The following CWF19L2 variants were observed in gnomAD, a reference collection of about 807,000 sequenced individuals.
CWF19L2 encodes the protein CWF19 like cell cycle control factor 2, also known as CWF19-like protein 2.
CWF19L2 carries 98 observed loss-of-function variants against 111.7 expected under a neutral mutation model. The ratio of observed to expected loss-of-function variants is 0.88; its 90% confidence interval spans 0.75 to 1.04. The LOEUF is 1.04. Ranked by LOEUF, CWF19L2 falls within the 50% of genes least tolerant of loss-of-function variation. The probability of loss-of-function intolerance (pLI) is 0.00; values close to 1 mark genes in which losing one functional copy is unlikely to be tolerated. For missense variants in CWF19L2, 1,101 were observed against 1,051.4 expected (o/e 1.05, Z -0.65); for synonymous variants, 351 against 342.9 (o/e 1.02, Z -0.26).
intron 4 of CWF19L2, 122 bp downstream of exon 4, chr11:107,442,817 A>T: frequency 2.6e-6 from 1 of 384,790 alleles, no homozygotes; most frequent in Non-Finnish European, 4.5e-6. Flanking sequence ...GGAGGGAGGG[A>T]GGGGGAGGGA....
chr11:107,339,791 C>A lies in CWF19L2; in HGVS notation c.2203-3078G>T, dbSNP rs996109705. On this transcript the variant is annotated intron_variant, in intron 14 of 17. Transcript: ENST00000282251. ...GGTGATTCTCCCGCCTTGGCCCCCC[C>A]ACAACAGCTGGGATTACAGGTGTGC... is the stretch of plus-strand genomic sequence containing the variant. Among the ~76,000 whole-genome samples, 8 of 151,664 alleles carry A rather than the reference C, an allele frequency of 5.3e-5. No individual in the cohort carries two copies. The East Asian group carries it at 5.8e-4, about 11-fold the overall frequency.
chr11:107,337,832 T>C (rs142976040), intron 14 of CWF19L2, among the ~76,000 whole-genome samples: 8 of 152,214 alleles, frequency 5.3e-5, no homozygotes, highest in Non-Finnish European at 1.0e-4. Flanking sequence ...TTTATAACTT[T>C]TTAATATTTT....
chr11:107,359,817 C>A (rs61190499), intron 12 of CWF19L2, among the ~76,000 whole-genome samples: 2 of 152,034 alleles, frequency 1.3e-5, no homozygotes, highest in East Asian at 3.9e-4. Flanking sequence ...AACGACTCAC[C>A]GAACTTGAAG....
intron 12 of CWF19L2, among the ~76,000 whole-genome samples, chr11:107,383,861 T>A (rs1022172256): frequency 6.6e-6 from 1 of 152,182 alleles, no homozygotes; most frequent in Non-Finnish European, 1.5e-5. Context: ...CAACATGAAA[T>A]CTTTCCTGTG....
chr11:107,341,945 C>T (rs535464558), intron 14 of CWF19L2, among the ~76,000 whole-genome samples: 1 of 151,914 alleles, frequency 6.6e-6, no homozygotes, highest in South Asian at 2.1e-4. Context: ...CTTGTTTTTT[C>T]TCATTTTTTT....
At chr11:107,338,201 G>A (rs1324451147) in intron 14 of CWF19L2, among the ~76,000 whole-genome samples, 7 of 152,086 alleles carry the variant, frequency 4.6e-5, no homozygotes, top group Admixed American at 4.6e-4. Flanking sequence ...CACCTGAGTA[G>A]CTACTCAGGG....
At position 107,380,046 on chromosome 11, in the gene CWF19L2, C is replaced by CAAAAAAAAAAA. The variant is rs66699460; in HGVS notation, c.1872+10017_1872+10027dup. Among the ~76,000 whole-genome samples the CAAAAAAAAAAA allele has an allele frequency of 1.8e-3, 62 of 34,486 alleles. 10 individuals are homozygous for CAAAAAAAAAAA. Among genetic ancestry groups the CAAAAAAAAAAA allele is most frequent in the South Asian group, 5.4e-3 (3 of 556 alleles). 22.6% of individuals were successfully genotyped at this position (34,486 alleles called of 152,430 possible). ...TGGGCGACAGAGCGAGACACCGTCTCAAAAAAAAAAAAAAAAAAAAAAAAA... is the reference window on the plus strand; with the variant it reads ...TGGGCGACAGAGCGAGACACCGTCTCAAAAAAAAAAAAAAAAAAAAAAAAAAAAAAAAAAAA... On this transcript the variant is annotated intron_variant, in intron 12 of 17. Coordinates refer to ENST00000282251, the MANE Select transcript of CWF19L2 (RefSeq NM_152434.3).
intron 17 of CWF19L2, among the ~76,000 whole-genome samples, chr11:107,327,753 G>C (rs1183897077): frequency 1.3e-5 from 2 of 152,090 alleles, no homozygotes; most frequent in Non-Finnish European, 2.9e-5. Context: ...AGAAAGACAT[G>C]GGGGAGCCTC....
intron 15 of CWF19L2, 138 bp from the exon 16 acceptor site, chr11:107,335,099 TTTAG>T (rs1457342836): frequency 1.2e-5 from 6 of 513,632 alleles, no homozygotes; most frequent in Non-Finnish European, 2.0e-5. Flanking sequence ...GATTAAGGCT[TTTAG>T]TTATTTAAAA....
chr11:107,443,160 T>A (rs1464528121), intron 3 of CWF19L2, 111 bp from the exon 4 acceptor site: 1 of 734,398 alleles, frequency 1.4e-6, no homozygotes, highest in African/African-American at 1.8e-5. Context: ...ATTCTTACAC[T>A]GTATTTCCCC....
chr11:107,386,969 G>A (rs772413946), intron 12 of CWF19L2, among the ~76,000 whole-genome samples: 1 of 151,690 alleles, frequency 6.6e-6, no homozygotes, highest in Non-Finnish European at 1.5e-5. Context: ...CAGGAGAATC[G>A]CTTGAACCCA....
chr11:107,383,296 C>T (rs1295551413), intron 12 of CWF19L2, among the ~76,000 whole-genome samples: 2 of 152,090 alleles, frequency 1.3e-5, no homozygotes, highest in African/African-American at 4.8e-5. Flanking sequence ...CCTGTGGAAT[C>T]AGACACTATC....
intron 12 of CWF19L2, among the ~76,000 whole-genome samples, chr11:107,384,030 G>T (rs1468517388): frequency 6.6e-6 from 1 of 152,140 alleles, no homozygotes; most frequent in Non-Finnish European, 1.5e-5. Context: ...ATAAAGTCAA[G>T]GATCATTTCT....
intron 3 of CWF19L2, among the ~76,000 whole-genome samples, chr11:107,443,853 T>C (rs891515113): frequency 3.3e-5 from 5 of 152,232 alleles, no homozygotes; most frequent in Non-Finnish European, 5.9e-5. Context: ...GCAAATGATG[T>C]CTTCTTTTAC....
At chr11:107,360,852 T>C (rs1455759539) in intron 12 of CWF19L2, among the ~76,000 whole-genome samples, 1 of 152,244 alleles carries the variant, frequency 6.6e-6, no homozygotes, top group African/African-American at 2.4e-5. Flanking sequence ...TGTTGCTGAA[T>C]TGAGTTCCTT....
intron 3 of CWF19L2, among the ~76,000 whole-genome samples, chr11:107,450,234 T>C (rs1861759358): frequency 1.3e-5 from 2 of 151,960 alleles, no homozygotes; most frequent in Non-Finnish European, 2.9e-5. Flanking sequence ...CAAAACCACA[T>C]CTCTACAAAA....
At chr11:107,373,274 T>A (rs1440400969) in intron 12 of CWF19L2, among the ~76,000 whole-genome samples, 3 of 125,402 alleles carry the variant, frequency 2.4e-5, no homozygotes, top group Admixed American at 2.3e-4. Context: ...CCACCACAGC[T>A]CAAGGAGGAC....
At chr11:107,391,709 G>C (rs907883968) in intron 11 of CWF19L2, among the ~76,000 whole-genome samples, 2 of 151,998 alleles carry the variant, frequency 1.3e-5, no homozygotes, top group African/African-American at 4.8e-5. Context: ...ATAAAACCTT[G>C]TCTTTAACTT....
intron 16 of CWF19L2, among the ~76,000 whole-genome samples, chr11:107,334,606 C>T (rs1000368203): frequency 2.0e-5 from 3 of 152,184 alleles, no homozygotes; most frequent in East Asian, 3.8e-4. Context: ...GCAGTTCTCA[C>T]GGCAGACTCT....
Sources: gnomAD v4.1 joint callset for allele counts (sites outside exome capture counted in the v4.1 genomes callset) on GRCh38, gnomAD v4.1.1 for gene constraint, MANE v1.5 for transcripts, NCBI Gene and HGNC (gene_info 2026-07-23, HGNC 2026-07-21) for gene names.